SLFNL1: variants seen among roughly 807,000 people sequenced by gnomAD.
The protein encoded by SLFNL1 is schlafen-like protein 1.
A neutral mutation model predicts 32.5 loss-of-function variants in SLFNL1; 26 were observed. That is an observed-to-expected ratio of 0.80 (90% CI 0.59 to 1.11). SLFNL1 has a LOEUF of 1.11. Among genes scored for constraint, SLFNL1 ranks in the 50% least tolerant of loss-of-function variants. SLFNL1 has a pLI of 0.00. For synonymous variants in SLFNL1, 255 were observed against 242.2 expected (o/e 1.05, Z -0.49); for missense variants, 553 against 546.5 (o/e 1.01, Z -0.12).
intron 3 of SLFNL1, 95 bp from the exon 4 acceptor site, chr1:41,018,251 G>A: frequency 7.8e-7 from 1 of 1,286,934 alleles, no homozygotes; most frequent in Non-Finnish European, 1.0e-6. Context: ...TCAGGCCCCT[G>A]CTGCAGCCTG....
At chr1:41,019,400 ACCTAT>A (rs1643645835) in intron 3 of SLFNL1, among the ~76,000 whole-genome samples, 1 of 152,108 alleles carries the variant, frequency 6.6e-6, no homozygotes, top group African/African-American at 2.4e-5. Context: ...TCATGGAGTG[ACCTAT>A]CCTAACGTCC....
In SLFNL1 at chr1:41,017,656, C is replaced by T. The variant is rs77061292; in HGVS notation, c.936G>A (p.Ser312=). 2.7e-4 allele frequency: 418 copies of T among 1,540,490 alleles called. No homozygotes were observed. The African/African-American group carries it at 4.5e-3, about 17-fold the overall frequency. ...TLTFIPVIST[S]ETSVPLKVIR... ...TCACCTTGAGGGGGACGCTGGTCTC[C>T]GAGGTACTGATCACAGGGATGAAGG... Residue 312 remains serine, a synonymous_variant, in exon 4 of 6, where the codon TCG becomes TCA. Coordinates refer to ENST00000302946, the MANE Select transcript of SLFNL1 (RefSeq NM_144990.4). This position sits in a 1 kb window ranked among gnomAD's most constrained non-coding sequence, Gnocchi z 4.9.
chr1:41,016,927 C>T (rs1643382621), intron 5 of SLFNL1: 1 of 224,920 alleles, frequency 4.4e-6, no homozygotes, highest in Non-Finnish European at 8.6e-6. Context: ...CCAGGCTGGT[C>T]TCGAACTCCT....
chr1:41,016,985 G>A, intron 5 of SLFNL1: 1 of 400,998 alleles, frequency 2.5e-6, no homozygotes, highest in Non-Finnish European at 4.4e-6. Context: ...TGGGATTACA[G>A]GCGTGAGCCA....
chr1:41,019,224 A>G (rs931533675), intron 3 of SLFNL1, among the ~76,000 whole-genome samples: 1 of 151,980 alleles, frequency 6.6e-6, no homozygotes, highest in African/African-American at 2.4e-5. Context: ...GCACCTCCCT[A>G]CCAGCCCTGC....
chr1:41,016,428 G>A (rs539434515), intron 5 of SLFNL1, 200 bp from the exon 6 acceptor site: 58 of 727,552 alleles, frequency 8.0e-5, no homozygotes, highest in Middle Eastern at 8.1e-4. Context: ...TGCCAGCCAT[G>A]GAAGGGAGCC....
rs376479010 is a variant in SLFNL1 at position 41,017,731 on chromosome 1, G to A, written c.861C>T (p.Ser287=). Residue 287 remains serine, a synonymous_variant, in exon 4 of 6, where the codon TCC becomes TCT. Transcript: ENST00000302946. This position sits in a 1 kb window ranked among gnomAD's most constrained non-coding sequence, Gnocchi z 4.9. The part of the protein sequence containing the change: ...DEDRARLLVD[S]ILQGFKPQIF... Reference sequence around the variant, plus strand: ...TCTGAGGCTTGAAGCCCTGCAGGATGGAGTCCACCAGCAGGCGTGCGCGGT... The same window carrying A: ...TCTGAGGCTTGAAGCCCTGCAGGATAGAGTCCACCAGCAGGCGTGCGCGGT... The A allele has an allele frequency of 5.6e-6, 9 of 1,605,024 alleles. No homozygotes were observed. The highest frequency in any genetic ancestry group is 7.7e-6 in the Non-Finnish European group (9 of 1,174,344).
intron 3 of SLFNL1, among the ~76,000 whole-genome samples, chr1:41,018,902 T>G (rs898647443): frequency 2.2e-5 from 3 of 139,326 alleles, no homozygotes; most frequent in African/African-American, 5.3e-5. Flanking sequence ...TGCAGTGGCG[T>G]GATCTCGGCT....
At chr1:41,020,201 C>T (rs1643726523) in intron 3 of SLFNL1, 25 bp downstream of exon 3, 2 of 1,557,538 alleles carry the variant, frequency 1.3e-6, no homozygotes, top group Non-Finnish European at 1.7e-6. Context: ...GGCTTTGGAG[C>T]TTGCTTGGGA....
chr1:41,016,400 C>T (rs971316141), intron 5 of SLFNL1, 172 bp from the exon 6 acceptor site: 11 of 987,242 alleles, frequency 1.1e-5, no homozygotes, highest in Non-Finnish European at 1.6e-5. Flanking sequence ...CCGTGTCAGC[C>T]TGAGGGAAGC....
At chr1:41,020,181 C>T (rs1183532548) in intron 3 of SLFNL1, 45 bp downstream of exon 3, 2 of 1,542,142 alleles carry the variant, frequency 1.3e-6, no homozygotes, top group Non-Finnish European at 8.7e-7. Flanking sequence ...GAGGCTCTCC[C>T]TTGGGGTGAG....
In SLFNL1 at chr1:41,018,093, G is replaced by C. The variant is rs777290519; in HGVS notation, c.499C>G (p.Pro167Ala). The C allele has an allele frequency of 7.1e-6, 11 of 1,552,076 alleles. No homozygotes were observed. In the East Asian group the frequency reaches 2.2e-4, roughly 30 times the overall value. ...SPGPSPGSGVPLPTWPTHTLP... is the reference protein window; with the variant it reads ...SPGPSPGSGVALPTWPTHTLP... ...GTGTGTGTAGGCCAGGTGGGCAGCG[G>C]GACACCAGAGCCTGGACTGGGGCCA... The change falls in exon 4 of 6, where the codon CCG (proline) becomes GCG (alanine). Residue 167 changes from proline to alanine, a missense_variant. Transcript: ENST00000302946.
At position 41,017,773 on chromosome 1, in the gene SLFNL1, G is replaced by A. The variant is rs982396911; in HGVS notation, c.819C>T (p.Cys273=). 3.5e-5 allele frequency: 57 copies of A among 1,607,028 alleles called. No individual in the cohort carries two copies. Among genetic ancestry groups the A allele is most frequent in the Non-Finnish European group, 4.6e-5 (54 of 1,175,534 alleles). The change falls in exon 4 of 6, where the codon TGC becomes TGT. Residue 273 remains cysteine (C), a synonymous_variant. Transcript: ENST00000302946. This position sits in a 1 kb window ranked among gnomAD's most constrained non-coding sequence, Gnocchi z 4.9. ...EDSGLVQGIR[C]SHRDEDRARL... is the part of the protein sequence containing the mutation. ...GTGCGCGGTCCTCGTCACGGTGGCT[G>A]CAGCGGATGCCCTGCACCAGGCCGC... is the stretch of plus-strand genomic sequence containing the variant.
chr1:41,019,924 T>C (rs1037909001), intron 3 of SLFNL1, among the ~76,000 whole-genome samples: 6 of 152,198 alleles, frequency 3.9e-5, no homozygotes, highest in Admixed American at 3.9e-4. Context: ...GGGGCCCCTG[T>C]GTCTTCTAGG....
chr1:41,020,369 C>A lies in SLFNL1; in HGVS notation c.292G>T (p.Val98Leu), dbSNP rs756614339. ...GCCAGGGTGTCCCTGTGGACAGTCA[C>A]CTGCACCAGTGCATAGGCCTTCCGC... ...RPRKAYALVQ[V>L]TVHRDTLASL... The change falls in exon 3 of 6, where the codon GTG (valine) becomes TTG (leucine). Residue 98 changes from valine (V) to leucine (L), a missense_variant. Val to Leu is a conservative substitution (Grantham distance 32). Transcript: ENST00000302946. 1.2e-6 allele frequency: 2 copies of A among 1,613,442 alleles called. No homozygotes were observed. Among genetic ancestry groups the A allele is most frequent in the Non-Finnish European group, 8.5e-7 (1 of 1,180,032 alleles).
intron 3 of SLFNL1, 102 bp from the exon 4 acceptor site, chr1:41,018,258 CCTGA>C: frequency 8.0e-7 from 1 of 1,252,344 alleles, no homozygotes; most frequent in Non-Finnish European, 1.1e-6. Context: ...CCTGCTGCAG[CCTGA>C]CTCTTACGGA....
At position 41,017,069 on chromosome 1, in the gene SLFNL1, G is replaced by A. The variant is rs931923990; in HGVS notation, c.1101+165C>T. On this transcript the variant is annotated intron_variant, in intron 5 of 5. Coordinates refer to ENST00000302946, the MANE Select transcript of SLFNL1 (RefSeq NM_144990.4). The surrounding 1 kb of genome is among the most constrained non-coding windows in gnomAD (Gnocchi z 4.9). ...CTTCCTTCCCACCAGCCACCTACCC[G>A]CGGAGTATGGGATGTGGTGTGATTG... 14 of 802,098 alleles carry A rather than the reference G, an allele frequency of 1.7e-5. No individual in the cohort carries two copies. Among genetic ancestry groups the A allele is most frequent in the African/African-American group, 3.5e-5 (2 of 57,200 alleles). The allele number at this position is 802,098 out of a possible 1,614,324, so 49.7% of individuals were successfully genotyped here. A position where few individuals can be genotyped will look rare whatever the true frequency, so the allele number is the denominator to read the frequency against.
Position 41,017,722 on chromosome 1 carries a change from C to T in SLFNL1, c.870G>A (p.Gln290=). Residue 290 remains glutamine, a synonymous_variant, in exon 4 of 6, where the codon CAG becomes CAA. Coordinates refer to ENST00000302946, the MANE Select transcript of SLFNL1 (RefSeq NM_144990.4). The surrounding 1 kb of genome is among the most constrained non-coding windows in gnomAD (Gnocchi z 4.9). The part of the protein sequence containing the change: ...RARLLVDSIL[Q]GFKPQIFPDA... ...CGGGAAAGATCTGAGGCTTGAAGCC[C>T]TGCAGGATGGAGTCCACCAGCAGGC... 1 of 1,603,148 alleles carries T rather than the reference C, an allele frequency of 6.2e-7. No individual in the cohort carries two copies. The highest frequency in any genetic ancestry group is 1.3e-5 in the African/African-American group (1 of 74,868).
Position 41,016,083 on chromosome 1 carries a change from G to T in SLFNL1, c.*23C>A. 5.6e-6 allele frequency: 9 copies of T among 1,607,538 alleles called. No individual in the cohort carries two copies. Among genetic ancestry groups the T allele is most frequent in the Non-Finnish European group, 7.7e-6 (9 of 1,176,412 alleles). On this transcript the variant is annotated 3_prime_UTR_variant, in exon 6 of 6. Coordinates refer to ENST00000302946, the MANE Select transcript of SLFNL1 (RefSeq NM_144990.4). ...GGTCTCAGGTGGAGAGTGCCGTGCCGTCCTGCCTGCTCCCCAGGGCCCTCA... is the reference window on the plus strand; with the variant it reads ...GGTCTCAGGTGGAGAGTGCCGTGCCTTCCTGCCTGCTCCCCAGGGCCCTCA...
Sources: allele counts gnomAD v4.1 joint callset (sites outside exome capture counted in the v4.1 genomes callset), GRCh38; gene constraint gnomAD v4.1.1; non-coding constraint Gnocchi (gnomAD v3.1); transcripts MANE v1.5; gene names NCBI Gene and HGNC (gene_info 2026-07-23, HGNC 2026-07-21).